The following RGS7 variants were observed in gnomAD, a reference collection of about 807,000 sequenced individuals.
RGS7 encodes regulator of G protein signaling 7, also known as regulator of G-protein signaling 7.
RGS7 carries 27 observed loss-of-function variants against 81.1 expected under a neutral mutation model. That is an observed-to-expected ratio of 0.33 (90% CI 0.25 to 0.46). The LOEUF (loss-of-function observed/expected upper bound fraction) is 0.46, where lower values mean the gene tolerates loss of function less well. Ranked by LOEUF, RGS7 falls within the 20% of genes least tolerant of loss-of-function variation. RGS7 has a pLI of 1.00. For missense variants in RGS7, 396 were observed against 607.4 expected (o/e 0.65, Z 3.66); for synonymous variants, 208 against 207.7 (o/e 1.00, Z -0.01).
chr1:241,132,739 T>G (rs1266099258), intron 2 of RGS7, among the ~76,000 whole-genome samples: 1 of 119,132 alleles, frequency 8.4e-6, no homozygotes, highest in African/African-American at 4.4e-5. Flanking sequence ...ATTCAACTTA[T>G]TATTTGTTTG....
chr1:240,782,431 T>A (rs1408315284), intron 18 of RGS7, among the ~76,000 whole-genome samples: 2 of 152,184 alleles, frequency 1.3e-5, no homozygotes, highest in Admixed American at 1.3e-4. Context: ...AACTATTTTT[T>A]AAATTTTTCG....
intron 2 of RGS7, among the ~76,000 whole-genome samples, chr1:241,134,826 C>T (rs929525231): frequency 6.6e-6 from 1 of 152,184 alleles, no homozygotes; most frequent in African/African-American, 2.4e-5. Flanking sequence ...TGAGAAACTC[C>T]TCCCCTTTCA....
chr1:241,288,430 A>G (rs1227138493), intron 2 of RGS7, among the ~76,000 whole-genome samples: 2 of 152,082 alleles, frequency 1.3e-5, no homozygotes, highest in Admixed American at 1.3e-4. Context: ...TATGCCTGTT[A>G]TTGTTCCTCA....
intron 17 of RGS7, 51 bp from the exon 18 acceptor site, chr1:240,800,772 G>T: frequency 8.6e-7 from 1 of 1,167,476 alleles, no homozygotes; most frequent in South Asian, 1.4e-5. Flanking sequence ...CACAATGTCA[G>T]AAAGTTCCAA....
At chr1:241,139,530 T>C (rs1204544979) in intron 2 of RGS7, among the ~76,000 whole-genome samples, 1 of 152,232 alleles carries the variant, frequency 6.6e-6, no homozygotes, top group Non-Finnish European at 1.5e-5. Context: ...GAAAGTGGAA[T>C]CATTGGATCA....
rs192770861 is a variant in RGS7 at position 240,827,548 on chromosome 1, C to T, written c.610-376G>A. Among the ~76,000 whole-genome samples, 632 of 152,216 alleles carry T rather than the reference C, an allele frequency of 4.2e-3. 1 individual carries two copies. Among genetic ancestry groups the T allele is most frequent in the African/African-American group, 0.014 (561 of 41,522 alleles). ...TGCTGGTTTTCTGCAGACAGCCTCT[C>T]GCAGAGATCTCTCTTTATAAAAAGT... On this transcript the variant is annotated intron_variant, in intron 9 of 18. Transcript: ENST00000440928.
At chr1:241,055,296 C>G (rs2061424416) in intron 3 of RGS7, among the ~76,000 whole-genome samples, 2 of 152,162 alleles carry the variant, frequency 1.3e-5, no homozygotes, top group South Asian at 4.1e-4. Flanking sequence ...TAATCACAAG[C>G]ATCAGGTTGT....
At chr1:241,322,713 A>G (rs966693411) in intron 2 of RGS7, among the ~76,000 whole-genome samples, 1 of 152,326 alleles carries the variant, frequency 6.6e-6, no homozygotes, top group East Asian at 1.9e-4. Context: ...GCATAGAATG[A>G]TAAGTACCAA....
intron 11 of RGS7, 63 bp downstream of exon 11, chr1:240,816,254 C>T (rs1218160227): frequency 3.0e-6 from 3 of 1,011,664 alleles, no homozygotes; most frequent in East Asian, 2.4e-5. Flanking sequence ...TAACATTTAC[C>T]CTCTGGTTTT....
At chr1:240,793,611 A>ATATATATATTTTTTTTTTTTTTTTT in intron 18 of RGS7, among the ~76,000 whole-genome samples, 1 of 78,814 alleles carries the variant, frequency 1.3e-5, no homozygotes, top group African/African-American at 9.7e-5. Flanking sequence ...ATATATATAT[A>ATATATATATTTTTTTTTTTTTTTTT]TTTTTTTTTT....
chr1:241,094,896 T>G (rs536922546), intron 3 of RGS7, among the ~76,000 whole-genome samples: 1 of 151,982 alleles, frequency 6.6e-6, no homozygotes, highest in Non-Finnish European at 1.5e-5. Context: ...TCTGGTGGAG[T>G]TGGGTAGTGT....
chr1:240,913,958 T>C (rs1031439515), intron 6 of RGS7, among the ~76,000 whole-genome samples: 1 of 151,878 alleles, frequency 6.6e-6, no homozygotes, highest in East Asian at 1.9e-4. Context: ...CATGTGCACA[T>C]TGTGCAGGTT....
At chr1:241,030,466 CAT>C (rs1437605156) in intron 3 of RGS7, among the ~76,000 whole-genome samples, 2 of 138,942 alleles carry the variant, frequency 1.4e-5, no homozygotes, top group African/African-American at 5.4e-5. Flanking sequence ...CATATACAAA[CAT>C]ATATGCATGG....
intron 2 of RGS7, among the ~76,000 whole-genome samples, chr1:241,345,058 C>T (rs1270772351): frequency 6.6e-6 from 1 of 152,172 alleles, no homozygotes; most frequent in Non-Finnish European, 1.5e-5. Flanking sequence ...GCAGCCACAA[C>T]AAAGAACAAG....
chr1:241,051,073 A>G (rs2061226193), intron 3 of RGS7, among the ~76,000 whole-genome samples: 1 of 152,100 alleles, frequency 6.6e-6, no homozygotes, highest in South Asian at 2.1e-4. Context: ...TGCCCTACAA[A>G]TGTTAGGGGT....
intron 15 of RGS7, among the ~76,000 whole-genome samples, chr1:240,803,393 ACCTTTGG>A (rs1688312408): frequency 6.6e-6 from 1 of 152,174 alleles, no homozygotes; most frequent in African/African-American, 2.4e-5. Flanking sequence ...CATCCTGGAT[ACCTTTGG>A]CCTCTACATT....
At chr1:240,785,973 T>C (rs1420688084) in intron 18 of RGS7, among the ~76,000 whole-genome samples, 2 of 152,202 alleles carry the variant, frequency 1.3e-5, no homozygotes, top group East Asian at 3.9e-4. Context: ...GTAGTTAGTT[T>C]TGAAACTGTC....
Position 241,290,474 on chromosome 1 carries a change from A to G in RGS7, c.78+65225T>C, listed in dbSNP as rs185081920. Among the ~76,000 whole-genome samples the G allele has an allele frequency of 1.5e-3, 227 of 152,376 alleles. 1 individual carries two copies. Among genetic ancestry groups the G allele is most frequent in the Middle Eastern group, 0.01 (3 of 294 alleles). ...CCATCATCCCACTATCTCAGAGTAC[A>G]AAATAAAAATCATTCGTTTCATTTT... On this transcript the variant is annotated intron_variant, in intron 2 of 18. Transcript: ENST00000440928.
chr1:240,942,561 C>T lies in RGS7; in HGVS notation c.227-5855G>A, dbSNP rs78344528. Among the ~76,000 whole-genome samples, 761 of 151,886 alleles carry T rather than the reference C, an allele frequency of 5.0e-3. 8 individuals carry two copies. The highest frequency in any genetic ancestry group is 0.018 in the African/African-American group (742 of 41,408). On this transcript the variant is annotated intron_variant, in intron 4 of 18. Transcript: ENST00000440928. Reference sequence around the variant, plus strand: ...CATGTATTAACATTTTTTTCATTTCCAACACAGTATAAGTATCAGTAGTGT... The same window carrying T: ...CATGTATTAACATTTTTTTCATTTCTAACACAGTATAAGTATCAGTAGTGT...
Sources: gnomAD v4.1 joint callset for allele counts (sites outside exome capture counted in the v4.1 genomes callset) on GRCh38, gnomAD v4.1.1 for gene constraint, MANE v1.5 for transcripts, NCBI Gene and HGNC (gene_info 2026-07-23, HGNC 2026-07-21) for gene names.